The following ABCG5 variants were observed in gnomAD, a reference collection of about 807,000 sequenced individuals.
The protein encoded by ABCG5 is ATP binding cassette subfamily G member 5.
ABCG5 carries 64 observed loss-of-function variants against 64.5 expected under a neutral mutation model. The observed-to-expected ratio is 0.99, with a 90% CI of 0.81 to 1.22. The LOEUF (loss-of-function observed/expected upper bound fraction) is 1.22. Ranked by LOEUF, ABCG5 falls within the 50% of genes most tolerant of loss-of-function variation. The pLI, the probability that ABCG5 is intolerant of heterozygous loss-of-function variation, is 0.00. For synonymous variants in ABCG5, 385 were observed against 326.3 expected, an observed-to-expected ratio of 1.18 and a Z score of -1.94; for missense variants, 908 against 829.5, an observed-to-expected ratio of 1.09 and a Z score of -1.16.
intron 11 of ABCG5, among the ~76,000 whole-genome samples, chr2:43,817,250 C>T (rs1431075476): frequency 1.3e-5 from 2 of 152,076 alleles, no homozygotes; most frequent in African/African-American, 2.4e-5. Context: ...CTTGGGAGGC[C>T]GAGGCAGGGA....
rs762300720 is a variant in ABCG5 at position 43,838,557 on chromosome 2, G to A, written c.123C>T (p.Leu41=). The A allele has an allele frequency of 6.2e-7, 1 of 1,607,288 alleles. No individual in the cohort carries two copies. Among genetic ancestry groups the A allele is most frequent in the Non-Finnish European group, 8.5e-7 (1 of 1,177,490 alleles). The change falls in exon 1 of 13, where the codon CTC becomes CTT. Residue 41 remains leucine (L), a synonymous_variant. Coordinates refer to ENST00000405322, the MANE Select transcript of ABCG5 (RefSeq NM_022436.3). This position sits in a 1 kb window ranked among gnomAD's most constrained non-coding sequence, Gnocchi z 4.2. ...TAPEPHSLGI[L]HASYSVSHRV... The stretch of plus-strand genomic sequence containing the variant: ...CTTACCTGACGCTGTAGGAGGCATG[G>A]AGGATGCCCAGGCTGTGAGGCTCCG...
chr2:43,831,924 A>G (rs1228540084), intron 3 of ABCG5, 23 bp downstream of exon 3: 2 of 1,545,198 alleles, frequency 1.3e-6, no homozygotes, highest in Admixed American at 2.0e-5. Flanking sequence ...CGGGGGGGCC[A>G]GGGGTGTGGG....
intron 6 of ABCG5, among the ~76,000 whole-genome samples, chr2:43,825,601 G>A (rs111576099): frequency 1.3e-5 from 2 of 150,442 alleles, no homozygotes; most frequent in Non-Finnish European, 3.0e-5. Context: ...TTGTTGTTTT[G>A]TTGTTATTGT....
rs1358275388 is a variant in ABCG5 at position 43,813,080 on chromosome 2, G to A, written c.*36C>T. 2 of 852,562 alleles carry A rather than the reference G, an allele frequency of 2.3e-6. No individual in the cohort carries two copies. Among genetic ancestry groups the A allele is most frequent in the East Asian group, 2.4e-5 (1 of 41,396 alleles). The allele number at this position is 852,562 out of a possible 1,614,324, so 52.8% of individuals were successfully genotyped here. On this transcript the variant is annotated 3_prime_UTR_variant, in exon 13 of 13. Transcript: ENST00000405322. ...CGTTCAGAGCAGTCATGCACAGTCG[G>A]CAGCTTCACTTCCATTTTCCCAGCC...
chr2:43,810,485 A>G (rs1666444400), downstream of ABCG5: 7 of 985,270 alleles, frequency 7.1e-6, no homozygotes, highest in African/African-American at 1.7e-5. Context: ...AGCCATTCCA[A>G]TCTGTAGATG....
intron 11 of ABCG5, 67 bp downstream of exon 11, chr2:43,819,848 G>C: frequency 1.3e-6 from 2 of 1,539,100 alleles, no homozygotes; most frequent in Non-Finnish European, 9.0e-7. Flanking sequence ...CTTTACTTCA[G>C]TCATTATTAG....
chr2:43,807,988 C>T (rs1287775152), downstream of ABCG5, among the ~76,000 whole-genome samples: 1 of 152,022 alleles, frequency 6.6e-6, no homozygotes, highest in Non-Finnish European at 1.5e-5. Flanking sequence ...AGTTTTCTCA[C>T]AGTCTGCTGT....
At chr2:43,835,944 CT>C (rs35465637) in intron 2 of ABCG5, among the ~76,000 whole-genome samples, 9,585 of 145,778 alleles carry the variant, frequency 0.066, 407 homozygotes, top group Middle Eastern at 0.11. Flanking sequence ...AATTCCTCTT[CT>C]TTTTTTTTTT....
Position 43,822,935 on chromosome 2 carries a change from A to T in ABCG5, c.1325T>A (p.Phe442Tyr), listed in dbSNP as rs1667330664. The T allele has an allele frequency of 6.2e-7, 1 of 1,613,574 alleles. No homozygotes were observed. Among genetic ancestry groups the T allele is most frequent in the African/African-American group, 1.3e-5 (1 of 74,884 alleles). The change falls in exon 10 of 13, where the codon TTT (phenylalanine) becomes TAT (tyrosine). Residue 442 changes from phenylalanine to tyrosine, a missense_variant and splice_region_variant. Phe to Tyr is a conservative substitution (Grantham distance 22). Transcript: ENST00000405322. ...YTGMLNAVNLFPVLRAVSDQE... is the reference protein window; with the variant it reads ...YTGMLNAVNLYPVLRAVSDQE... The stretch of plus-strand genomic sequence containing the variant: ...GTCGCTGACAGCTCGCAGCACGGGA[A>T]CTGGGGATGGAAGGCAGGTTTCAGA...
Position 43,838,247 on chromosome 2 carries a change from A to C in ABCG5, c.143+290T>G. The C allele has an allele frequency of 1.7e-6, 1 of 594,564 alleles. No homozygotes were observed. Among genetic ancestry groups the C allele is most frequent in the Non-Finnish European group, 3.0e-6 (1 of 335,760 alleles). The allele number at this position is 594,564 out of a possible 1,614,324, so 36.8% of individuals were successfully genotyped here. Reference sequence around the variant, plus strand: ...AGGTTTCAAGACTCCTTGCATTCGCAGTACCCCCATTCCCATCCACAGAGG... The same window carrying C: ...AGGTTTCAAGACTCCTTGCATTCGCCGTACCCCCATTCCCATCCACAGAGG... On this transcript the variant is annotated intron_variant, in intron 1 of 12. Transcript: ENST00000405322. The surrounding 1 kb of genome is among the most constrained non-coding windows in gnomAD (Gnocchi z 4.2).
At chr2:43,810,080 AGT>A, downstream of ABCG5, 1 of 603,918 alleles carries the variant, frequency 1.7e-6, no homozygotes, top group Non-Finnish European at 2.1e-6. Flanking sequence ...GGAATATAAA[AGT>A]AAGAGTATTT....
At chr2:43,829,539 T>G (rs4148181) in intron 4 of ABCG5, among the ~76,000 whole-genome samples, 13 of 151,954 alleles carry the variant, frequency 8.6e-5, no homozygotes, top group Admixed American at 6.5e-4. Context: ...AATTCTTTAC[T>G]GAATTTCTAA....
In ABCG5 at chr2:43,821,347, C is replaced by T. The variant is rs527832734; in HGVS notation, c.1464-1247G>A. Among the ~76,000 whole-genome samples, 5 of 152,328 alleles carry T rather than the reference C, an allele frequency of 3.3e-5. No individual in the cohort carries two copies. In the South Asian group the frequency reaches 6.2e-4, roughly 19 times the overall value. On this transcript the variant is annotated intron_variant, in intron 10 of 12. Coordinates refer to ENST00000405322, the MANE Select transcript of ABCG5 (RefSeq NM_022436.3). Reference sequence around the variant, plus strand: ...CTCTTTAACCTTCTTGATGAGCCATCCACATCAGTGGTTCCTAATTAGCGA... The same window carrying T: ...CTCTTTAACCTTCTTGATGAGCCATTCACATCAGTGGTTCCTAATTAGCGA...
rs777398165 is a variant in ABCG5, at chr2:43,822,963, A to T, written c.1325-28T>A. The T allele has an allele frequency of 1.1e-5, 18 of 1,612,610 alleles. 1 individual carries two copies. In the Middle Eastern group the frequency reaches 1.5e-3, roughly 133 times the overall value. On this transcript the variant is annotated intron_variant, in intron 9 of 12. Transcript: ENST00000405322. ...GGGGATGGAAGGCAGGTTTCAGAAC[A>T]GTCAGTCACCACCCAGCTGAAAAAG... is the stretch of plus-strand genomic sequence containing the variant.
Position 43,838,118 on chromosome 2 carries a change from A to G in ABCG5, c.144-163T>C. 2 of 924,398 alleles carry G rather than the reference A, an allele frequency of 2.2e-6. No individual in the cohort carries two copies. Among genetic ancestry groups the G allele is most frequent in the Non-Finnish European group, 3.3e-6 (2 of 608,240 alleles). 57.3% of individuals were successfully genotyped at this position (924,398 alleles called of 1,614,324 possible). A position where few individuals can be genotyped will look rare whatever the true frequency, so the allele number is the denominator to read the frequency against. Reference sequence around the variant, plus strand: ...CCCTCCTCTGTAGAACCTGGCAGATAGCGACTGAGGCTGTCTGCCACGTAG... The same window carrying G: ...CCCTCCTCTGTAGAACCTGGCAGATGGCGACTGAGGCTGTCTGCCACGTAG... On this transcript the variant is annotated intron_variant, in intron 1 of 12. Coordinates refer to ENST00000405322, the MANE Select transcript of ABCG5 (RefSeq NM_022436.3). The surrounding 1 kb of genome is among the most constrained non-coding windows in gnomAD (Gnocchi z 4.2).
chr2:43,823,526 G>A (rs77531113), intron 9 of ABCG5, among the ~76,000 whole-genome samples: 5,182 of 152,200 alleles, frequency 0.034, 305 homozygotes, highest in African/African-American at 0.12. Flanking sequence ...AAAATTAGGT[G>A]CTGGCTGTCC....
chr2:43,822,764 G>A lies in ABCG5; in HGVS notation c.1463+33C>T, dbSNP rs773224684. ...CCACTAGCTCCATGACTCCATGGGA[G>A]CCCGGCCCTGGGTGAACTGAACAAC... On this transcript the variant is annotated intron_variant, in intron 10 of 12. Coordinates refer to ENST00000405322, the MANE Select transcript of ABCG5 (RefSeq NM_022436.3). 99 of 1,613,818 alleles carry A rather than the reference G, an allele frequency of 6.1e-5. No homozygotes were observed. The South Asian group carries it at 6.9e-4, about 11-fold the overall frequency.
intron 11 of ABCG5, among the ~76,000 whole-genome samples, chr2:43,815,478 T>C (rs1666757537): frequency 6.6e-6 from 1 of 152,210 alleles, no homozygotes; most frequent in South Asian, 2.1e-4. Context: ...CACACATCCA[T>C]GATGTTCTTG....
chr2:43,806,373 A>G, the ABCG5 span, among the ~76,000 whole-genome samples: 1 of 152,232 alleles, frequency 6.6e-6, no homozygotes, highest in Non-Finnish European at 1.5e-5. Context: ...AGCTGGGAGT[A>G]GGAGCCAGGG....
Sources: gnomAD v4.1 joint callset for allele counts (sites outside exome capture counted in the v4.1 genomes callset) on GRCh38, gnomAD v4.1.1 for gene constraint, Gnocchi (gnomAD v3.1) non-coding constraint, MANE v1.5 for transcripts, NCBI Gene and HGNC (gene_info 2026-07-23, HGNC 2026-07-21) for gene names.